The following IQUB variants were observed in gnomAD, a reference collection of about 807,000 sequenced individuals.
The protein encoded by IQUB is IQ motif and ubiquitin domain containing.
IQUB carries 86 observed loss-of-function variants against 86.4 expected under a neutral mutation model. The observed-to-expected ratio is 1.00, with a 90% CI of 0.84 to 1.19. IQUB has a LOEUF of 1.19. IQUB is among the 50% of genes most tolerant of loss of function. The probability of loss-of-function intolerance (pLI) is 0.00; values close to 1 mark genes in which losing one functional copy is unlikely to be tolerated. For synonymous variants in IQUB, 289 were observed against 304.5 expected, an observed-to-expected ratio of 0.95 and a Z score of 0.53; for missense variants, 946 against 916.9, an observed-to-expected ratio of 1.03 and a Z score of -0.41.
At chr7:123,474,278 T>C (rs192784074) in intron 8 of IQUB, among the ~76,000 whole-genome samples, 1 of 152,320 alleles carries the variant, frequency 6.6e-6, no homozygotes, top group Admixed American at 6.5e-5. Context: ...AATTCACATA[T>C]GGCACTGGTT....
intron 7 of IQUB, among the ~76,000 whole-genome samples, chr7:123,482,897 G>A (rs1795068585): frequency 6.6e-6 from 1 of 152,032 alleles, no homozygotes; most frequent in African/African-American, 2.4e-5. Flanking sequence ...CCATGTTTGT[G>A]CTATGCTCTC....
chr7:123,518,786 G>A (rs1796768113), intron 1 of IQUB, among the ~76,000 whole-genome samples: 1 of 152,002 alleles, frequency 6.6e-6, no homozygotes, highest in Admixed American at 6.6e-5. Context: ...TAGATACACA[G>A]TTTCACTATG....
chr7:123,484,239 T>G (rs1394382065), intron 7 of IQUB, among the ~76,000 whole-genome samples: 4 of 152,010 alleles, frequency 2.6e-5, no homozygotes, highest in Admixed American at 6.6e-5. Context: ...AAAAAGATTG[T>G]AAATTTAAGA....
intron 1 of IQUB, among the ~76,000 whole-genome samples, chr7:123,526,024 C>G (rs1232022005): frequency 6.8e-6 from 1 of 146,734 alleles, no homozygotes; most frequent in Non-Finnish European, 1.5e-5. Flanking sequence ...GAGTGAGATT[C>G]TTAATCCTGA....
chr7:123,509,342 T>G (rs1322322282), intron 3 of IQUB, among the ~76,000 whole-genome samples: 1 of 152,196 alleles, frequency 6.6e-6, no homozygotes, highest in African/African-American at 2.4e-5. Flanking sequence ...TTGACCTTAA[T>G]GTACAGAATA....
intron 7 of IQUB, among the ~76,000 whole-genome samples, chr7:123,491,663 T>C (rs1795471670): frequency 6.6e-6 from 1 of 152,328 alleles, no homozygotes; most frequent in Non-Finnish European, 1.5e-5. Flanking sequence ...AATACCCCTA[T>C]ATTTATTAAA....
At chr7:123,528,714 A>G (rs1219665977) in intron 1 of IQUB, among the ~76,000 whole-genome samples, 1 of 152,260 alleles carries the variant, frequency 6.6e-6, no homozygotes, top group Non-Finnish European at 1.5e-5. Context: ...AGTCAGATCC[A>G]GAATTTAACT....
At chr7:123,533,991 G>A (rs1401854325) in intron 1 of IQUB, among the ~76,000 whole-genome samples, 1 of 152,198 alleles carries the variant, frequency 6.6e-6, no homozygotes, top group Non-Finnish European at 1.5e-5. Flanking sequence ...TATAATTAGT[G>A]AGGCAGGGAT....
intron 3 of IQUB, among the ~76,000 whole-genome samples, chr7:123,509,521 C>A (rs1056296335): frequency 3.3e-5 from 5 of 152,162 alleles, no homozygotes; most frequent in Non-Finnish European, 7.4e-5. Context: ...TGACTTGGCA[C>A]AATTATTATC....
intron 3 of IQUB, among the ~76,000 whole-genome samples, chr7:123,507,419 T>A (rs975892463): frequency 1.3e-5 from 2 of 152,226 alleles, no homozygotes; most frequent in Non-Finnish European, 2.9e-5. Context: ...AGGTTAGGCT[T>A]ACTAAATGCA....
chr7:123,494,156 G>A (rs369539240), intron 7 of IQUB, among the ~76,000 whole-genome samples: 5 of 152,048 alleles, frequency 3.3e-5, no homozygotes, highest in African/African-American at 1.2e-4. Flanking sequence ...AATTCAGAAC[G>A]ATAAAAGAGA....
In IQUB at chr7:123,454,238, T is replaced by TTAAC. The variant is rs1490253845; in HGVS notation, c.2194-1317_2194-1314dup. Among the ~76,000 whole-genome samples the TTAAC allele has an allele frequency of 8.5e-5, 13 of 152,266 alleles. No homozygotes were observed. The East Asian group carries it at 2.5e-3, about 29-fold the overall frequency. ...AACTAACACACTTTATTATGCTATATTAACTTACACATGTACAGAACTTTA... is the reference window on the plus strand; with the variant it reads ...AACTAACACACTTTATTATGCTATATTAACTAACTTACACATGTACAGAACTTTA... On this transcript the variant is annotated intron_variant, in intron 12 of 12. Transcript: ENST00000324698.
chr7:123,467,839 T>C (rs1794333212), intron 9 of IQUB, among the ~76,000 whole-genome samples: 1 of 152,194 alleles, frequency 6.6e-6, no homozygotes, highest in Non-Finnish European at 1.5e-5. Context: ...CCTGTAACTC[T>C]GGACTCTTCA....
At chr7:123,515,487 G>T (rs1796598927) in intron 1 of IQUB, among the ~76,000 whole-genome samples, 1 of 152,080 alleles carries the variant, frequency 6.6e-6, no homozygotes, top group Non-Finnish European at 1.5e-5. Context: ...ACATATAGAA[G>T]GCAATTAAGC....
intron 8 of IQUB, among the ~76,000 whole-genome samples, chr7:123,472,252 AAAAG>A (rs921996432): frequency 6.6e-6 from 1 of 151,934 alleles, no homozygotes; most frequent in Non-Finnish European, 1.5e-5. Flanking sequence ...AAAAAAAGAA[AAAAG>A]AAAAGAAAAG....
chr7:123,530,234 G>A (rs1293715889), intron 1 of IQUB, among the ~76,000 whole-genome samples: 2 of 149,766 alleles, frequency 1.3e-5, no homozygotes, highest in Non-Finnish European at 3.0e-5. Context: ...ACGCCTGATC[G>A]AGACCATCCC....
At chr7:123,465,891 C>A (rs1368275732) in intron 9 of IQUB, among the ~76,000 whole-genome samples, 1 of 151,952 alleles carries the variant, frequency 6.6e-6, no homozygotes, top group African/African-American at 2.4e-5. Flanking sequence ...GTATTATACT[C>A]ATTTATGCTC....
chr7:123,464,055 T>G (rs1266126639), intron 10 of IQUB, among the ~76,000 whole-genome samples: 1 of 151,740 alleles, frequency 6.6e-6, no homozygotes, highest in Non-Finnish European at 1.5e-5. Context: ...TGACTAAATA[T>G]GAGAATTTGT....
rs1793756909 is a variant in IQUB at position 123,457,479 on chromosome 7, C to G, written c.2095G>C (p.Val699Leu). 7 of 1,611,294 alleles carry G rather than the reference C, an allele frequency of 4.3e-6. No homozygotes were observed. Among genetic ancestry groups the G allele is most frequent in the Non-Finnish European group, 5.9e-6 (7 of 1,178,706 alleles). The change falls in exon 12 of 13, where the codon GTC becomes CTC. Residue 699 changes from valine to leucine, a missense_variant. Val to Leu is a conservative substitution (Grantham distance 32). Transcript: ENST00000324698. The stretch of plus-strand genomic sequence containing the variant: ...CACTCCAGGGATTTATTCCATCTGA[C>G]CATGACCAGATCACTGAGATTGTCG... Reference protein sequence around the residue: ...ACDNLSDLVMVRWNKSLEWSP... With the variant: ...ACDNLSDLVMLRWNKSLEWSP...
Sources: gnomAD v4.1 joint callset for allele counts (sites outside exome capture counted in the v4.1 genomes callset) on GRCh38, gnomAD v4.1.1 for gene constraint, MANE v1.5 for transcripts, NCBI Gene and HGNC (gene_info 2026-07-23, HGNC 2026-07-21) for gene names.